ZNF208: variants seen among roughly 807,000 people sequenced by gnomAD.
ZNF208 encodes zinc finger protein 208.
In ZNF208, 10 loss-of-function variants were observed where a neutral mutation model predicts 12.1. The ratio of observed to expected loss-of-function variants is 0.83; its 90% confidence interval spans 0.51 to 1.40. The LOEUF (loss-of-function observed/expected upper bound fraction) is 1.40, where lower values mean the gene tolerates loss of function less well. Ranked by LOEUF, ZNF208 falls within the 40% of genes most tolerant of loss-of-function variation. The pLI, the probability that ZNF208 is intolerant of heterozygous loss-of-function variation, is 0.00. For synonymous variants in ZNF208, 497 were observed against 488.4 expected (o/e 1.02, Z -0.23); for missense variants, 1,652 against 1,485.0 (o/e 1.11, Z -1.85).
At chr19:21,963,320 A>G (rs965167013), downstream of ZNF208, among the ~76,000 whole-genome samples, 3 of 152,088 alleles carry the variant, frequency 2.0e-5, no homozygotes, top group African/African-American at 7.2e-5. Context: ...TTCCTGGAAT[A>G]TTGAAATTTT....
rs550712410 is a variant in ZNF208, at chr19:21,970,871, A to T, written c.*320T>A. The T allele has an allele frequency of 3.2e-5, 49 of 1,515,480 alleles. No homozygotes were observed. The East Asian group carries it at 1.1e-3, about 33-fold the overall frequency. The allele number at this position is 1,515,480 out of a possible 1,614,324, so 93.9% of individuals were successfully genotyped here. A position where few individuals can be genotyped will look rare whatever the true frequency, so the allele number is the denominator to read the frequency against. On this transcript the variant is annotated 3_prime_UTR_variant, in exon 4 of 4. Coordinates refer to ENST00000397126, the MANE Select transcript of ZNF208 (RefSeq NM_007153.3). Reference sequence around the variant, plus strand: ...CTTCACATTTGTAGGGTTTCTCTCCAGTATGAATTTTCTATGATAACTGAG... The same window carrying T: ...CTTCACATTTGTAGGGTTTCTCTCCTGTATGAATTTTCTATGATAACTGAG...
rs1160805794 is a variant in ZNF208 at position 21,969,264 on chromosome 19, G to A, written c.*1927C>T. 2.9e-5 allele frequency among the ~76,000 whole-genome samples: 4 copies of A among 138,540 alleles called. No individual in the cohort carries two copies. In the East Asian group the frequency reaches 8.6e-4, roughly 30 times the overall value. The allele number at this position is 138,540 out of a possible 152,430, so 90.9% of individuals were successfully genotyped here. ...CATCACAAAGTATTGGCCACAGTAAGCCAATGTGTCTGGAAAAAAAAAAAA... is the reference window on the plus strand; with the variant it reads ...CATCACAAAGTATTGGCCACAGTAAACCAATGTGTCTGGAAAAAAAAAAAA... On this transcript the variant is annotated 3_prime_UTR_variant, in exon 4 of 4. Coordinates refer to ENST00000397126, the MANE Select transcript of ZNF208 (RefSeq NM_007153.3).
intron 4 of ZNF208, among the ~76,000 whole-genome samples, chr19:21,957,024 G>T (rs1392077570): frequency 6.6e-6 from 1 of 152,098 alleles, no homozygotes; most frequent in African/African-American, 2.4e-5. Flanking sequence ...TTGCATCAGT[G>T]AAACAAAAAT....
intron 4 of ZNF208, among the ~76,000 whole-genome samples, chr19:21,957,461 G>A (rs1468658541): frequency 6.6e-6 from 1 of 152,206 alleles, no homozygotes; most frequent in African/African-American, 2.4e-5. Flanking sequence ...GCCAGTAACA[G>A]CCTCTTGGGA....
At chr19:22,000,493 G>A (rs949970748) in intron 1 of ZNF208, among the ~76,000 whole-genome samples, 21 of 152,238 alleles carry the variant, frequency 1.4e-4, no homozygotes, top group African/African-American at 5.1e-4. Context: ...CAGAAACCAA[G>A]AAGTGTTTTG....
intron 3 of ZNF208, among the ~76,000 whole-genome samples, chr19:21,979,906 A>G (rs924458974): frequency 6.6e-6 from 1 of 152,168 alleles, no homozygotes; most frequent in African/African-American, 2.4e-5. Context: ...TGGAAAGCAA[A>G]AGAAAGCAGG....
rs1970268624 is a variant in ZNF208 at position 21,971,001 on chromosome 19, C to T, written c.*190G>A. Among the ~76,000 whole-genome samples, 1 of 151,712 alleles carries T rather than the reference C, an allele frequency of 6.6e-6. No homozygotes were observed. Among genetic ancestry groups the T allele is most frequent in the Non-Finnish European group, 1.5e-5 (1 of 67,956 alleles). ...GTAAGGATTGAGAACATACTAAAGC[C>T]TTTACCACATTCTTCACATTTGTAG... On this transcript the variant is annotated 3_prime_UTR_variant, in exon 4 of 4. Transcript: ENST00000397126.
chr19:21,964,394 T>C (rs1970128927), downstream of ZNF208, among the ~76,000 whole-genome samples: 1 of 151,808 alleles, frequency 6.6e-6, no homozygotes, highest in African/African-American at 2.4e-5. Flanking sequence ...AGCAACTGTT[T>C]AGAGTAAAAT....
chr19:21,973,911 C>T lies in ZNF208; in HGVS notation c.1123G>A (p.Gly375Ser), dbSNP rs762120661. ...GTTGAGGGCCACTTATAGGCTTTGCCGCATTCTTCACATTTGTAGGGTTTC... is the reference window on the plus strand; with the variant it reads ...GTTGAGGGCCACTTATAGGCTTTGCTGCATTCTTCACATTTGTAGGGTTTC... ...GEKPYKCEEC[G>S]KAYKWPSTLS... Residue 375 changes from glycine (G) to serine (S), a missense_variant, in exon 4 of 4, where the codon GGC becomes AGC. Physicochemically the swap from Gly to Ser is moderately conservative, Grantham distance 56 (BLOSUM62 0). This residue lies in a region of ZNF208 where 1,239 missense variants were observed against 1,086.2 expected (regional missense o/e 1.14). Transcript: ENST00000397126. The T allele has an allele frequency of 4.6e-5, 74 of 1,613,232 alleles. No individual in the cohort carries two copies. The highest frequency in any genetic ancestry group is 1.6e-4 in the Middle Eastern group (1 of 6,084).
chr19:21,977,072 T>C (rs1486858823), intron 3 of ZNF208, among the ~76,000 whole-genome samples: 1 of 152,124 alleles, frequency 6.6e-6, no homozygotes, highest in Admixed American at 6.5e-5. Context: ...ACAGTGAAAC[T>C]CCAAAGAGAC....
intron 3 of ZNF208, among the ~76,000 whole-genome samples, chr19:21,979,076 T>C (rs753177809): frequency 2.0e-4 from 30 of 152,138 alleles, no homozygotes; most frequent in Non-Finnish European, 3.4e-4. Context: ...TATGGGACTA[T>C]GTGAAAAGAC....
At chr19:21,941,034 C>T in intron 4 of ZNF208, 1 of 242,866 alleles carries the variant, frequency 4.1e-6, no homozygotes, top group Non-Finnish European at 7.8e-6. Context: ...ACGACTGGAA[C>T]TGGCGCCCTC....
downstream of ZNF208, among the ~76,000 whole-genome samples, chr19:21,963,590 C>T (rs1182988631): frequency 1.3e-5 from 2 of 151,902 alleles, no homozygotes; most frequent in Admixed American, 1.3e-4. Flanking sequence ...TTCACATGCA[C>T]CTATTAGGGT....
At chr19:21,995,779 T>C (rs923768822) in intron 1 of ZNF208, among the ~76,000 whole-genome samples, 34 of 152,178 alleles carry the variant, frequency 2.2e-4, no homozygotes, top group African/African-American at 8.0e-4. Flanking sequence ...TGTTTACACT[T>C]ACAGATTCTG....
At chr19:21,942,771 C>G (rs879527119) in intron 4 of ZNF208, among the ~76,000 whole-genome samples, 4 of 152,096 alleles carry the variant, frequency 2.6e-5, no homozygotes, top group Non-Finnish European at 4.4e-5. Flanking sequence ...GCCTCAACCC[C>G]CTGAGTAGCT....
At chr19:21,977,295 A>C (rs1360028957) in intron 3 of ZNF208, among the ~76,000 whole-genome samples, 1 of 152,226 alleles carries the variant, frequency 6.6e-6, no homozygotes. Flanking sequence ...CAAGATGGCC[A>C]AATAGGAACA....
intron 4 of ZNF208, among the ~76,000 whole-genome samples, chr19:21,947,001 C>A (rs553521643): frequency 2.0e-5 from 3 of 148,070 alleles, no homozygotes; most frequent in Admixed American, 6.8e-5. Flanking sequence ...CCTATAATTT[C>A]TCCTATTCAT....
At chr19:22,004,961 T>G (rs1195132889) in intron 1 of ZNF208, among the ~76,000 whole-genome samples, 2 of 152,062 alleles carry the variant, frequency 1.3e-5, no homozygotes, top group Non-Finnish European at 2.9e-5. Flanking sequence ...GAGAGTGCAA[T>G]GCAGGTGGAA....
intron 1 of ZNF208, 112 bp downstream of exon 1, chr19:22,010,680 G>A: frequency 6.5e-7 from 1 of 1,539,408 alleles, no homozygotes; most frequent in South Asian, 1.1e-5. Flanking sequence ...AAGAACTCGG[G>A]GCACAGATGT....
Sources: allele counts gnomAD v4.1 joint callset (sites outside exome capture counted in the v4.1 genomes callset), GRCh38; gene constraint gnomAD v4.1.1; regional missense constraint gnomAD v4.1.1; transcripts MANE v1.5; gene names NCBI Gene and HGNC (gene_info 2026-07-23, HGNC 2026-07-21).